Variants in ADGRB3 observed in about 807,000 individuals in gnomAD.
ADGRB3 encodes the protein adhesion G protein-coupled receptor B3.
In ADGRB3, 37 loss-of-function variants were observed where a neutral mutation model predicts 193.4. That is an observed-to-expected ratio of 0.19 (90% CI 0.15 to 0.25). The LOEUF is 0.25. Ranked by LOEUF, ADGRB3 falls within the 10% of genes least tolerant of loss-of-function variation. The pLI is 1.00. For synonymous variants in ADGRB3, 690 were observed against 644.2 expected, an observed-to-expected ratio of 1.07 and a Z score of -1.08; for missense variants, 1,637 against 1,852.9, an observed-to-expected ratio of 0.88 and a Z score of 2.14.
intron 3 of ADGRB3, among the ~76,000 whole-genome samples, chr6:68,800,271 T>C (rs1340258939): frequency 1.3e-5 from 2 of 152,142 alleles, no homozygotes; most frequent in Non-Finnish European, 2.9e-5. Flanking sequence ...AATTGAAGTA[T>C]GGGAAGAGCA....
chr6:68,669,876 C>T (rs1009577091), intron 3 of ADGRB3, among the ~76,000 whole-genome samples: 5 of 151,984 alleles, frequency 3.3e-5, no homozygotes, highest in African/African-American at 1.2e-4. Context: ...TACAAACTTA[C>T]ATTCCCACCC....
chr6:68,826,525 A>G (rs1284832753), intron 3 of ADGRB3, among the ~76,000 whole-genome samples: 3 of 152,208 alleles, frequency 2.0e-5, no homozygotes, highest in Non-Finnish European at 4.4e-5. Flanking sequence ...TTTTACTCCA[A>G]GTGGAACTGG....
chr6:69,054,957 A>C (rs1446260228), intron 15 of ADGRB3, among the ~76,000 whole-genome samples: 6 of 152,198 alleles, frequency 3.9e-5, no homozygotes, highest in Non-Finnish European at 8.8e-5. Context: ...TAAAACATTT[A>C]TGAAAGTTTC....
chr6:69,260,172 T>G (rs542995823), intron 20 of ADGRB3, among the ~76,000 whole-genome samples: 1 of 152,340 alleles, frequency 6.6e-6, no homozygotes, highest in African/African-American at 2.4e-5. Flanking sequence ...GTCAATTTTC[T>G]ATTAAAAATT....
At chr6:69,372,622 T>G (rs1293625300) in intron 30 of ADGRB3, among the ~76,000 whole-genome samples, 181 bp downstream of exon 30, 3 of 152,086 alleles carry the variant, frequency 2.0e-5, no homozygotes, top group Non-Finnish European at 2.9e-5. Flanking sequence ...AAATTTTGAA[T>G]TACTTCAAGT....
intron 3 of ADGRB3, among the ~76,000 whole-genome samples, chr6:68,666,119 GA>G (rs1055714733): frequency 2.0e-5 from 3 of 151,818 alleles, no homozygotes; most frequent in African/African-American, 7.3e-5. Flanking sequence ...ATATCTCATA[GA>G]CAAGATCTCG....
chr6:68,705,258 A>T (rs2127311921), intron 3 of ADGRB3, among the ~76,000 whole-genome samples: 1 of 152,314 alleles, frequency 6.6e-6, no homozygotes, highest in South Asian at 2.1e-4. Context: ...CTCCACTAGA[A>T]TTTAAGCTCA....
chr6:69,152,614 C>T (rs1774710854), intron 17 of ADGRB3, among the ~76,000 whole-genome samples: 1 of 152,132 alleles, frequency 6.6e-6, no homozygotes. Context: ...GTGTTGGCTA[C>T]ACAATTTTTA....
At chr6:69,382,446 T>G (rs1177655277) in intron 30 of ADGRB3, among the ~76,000 whole-genome samples, 2 of 151,984 alleles carry the variant, frequency 1.3e-5, no homozygotes, top group Non-Finnish European at 2.9e-5. Flanking sequence ...ATATTTCCCA[T>G]GACAAACATC....
At chr6:69,219,970 GAC>G (rs1381853993) in intron 17 of ADGRB3, among the ~76,000 whole-genome samples, 18 of 152,022 alleles carry the variant, frequency 1.2e-4, no homozygotes, top group African/African-American at 4.3e-4. Flanking sequence ...TATTAATTAT[GAC>G]AGAGAAGGCT....
chr6:69,328,032 A>G (rs1193694079), intron 22 of ADGRB3, 143 bp downstream of exon 22: 6 of 564,102 alleles, frequency 1.1e-5, no homozygotes, highest in Non-Finnish European at 1.7e-5. Context: ...AAAACAAGGT[A>G]GCTTAAATCT....
intron 17 of ADGRB3, among the ~76,000 whole-genome samples, chr6:69,200,333 A>G (rs373771839): frequency 6.0e-4 from 91 of 152,262 alleles, no homozygotes; most frequent in African/African-American, 2.1e-3. Flanking sequence ...TTTGGCAAGC[A>G]TATAGCACAG....
intron 6 of ADGRB3, among the ~76,000 whole-genome samples, chr6:68,954,020 A>G (rs1282382744): frequency 6.6e-6 from 1 of 152,188 alleles, no homozygotes; most frequent in Non-Finnish European, 1.5e-5. Context: ...TCTAATCTAG[A>G]AAGTATTTTT....
intron 3 of ADGRB3, among the ~76,000 whole-genome samples, chr6:68,817,302 TC>T (rs1485942224): frequency 0.2 from 17,241 of 86,608 alleles, 3,360 homozygotes; most frequent in Middle Eastern, 0.34. Context: ...TTCCCTTTTG[TC>T]CATGTATATA....
intron 6 of ADGRB3, among the ~76,000 whole-genome samples, chr6:68,944,316 A>T (rs112157344): frequency 0.012 from 1,882 of 152,216 alleles, 40 homozygotes; most frequent in African/African-American, 0.04. Context: ...CTTGAGATTA[A>T]TTATTGCCTT....
chr6:69,217,422 A>G (rs1285492276), intron 17 of ADGRB3, among the ~76,000 whole-genome samples: 1 of 152,248 alleles, frequency 6.6e-6, no homozygotes, highest in Non-Finnish European at 1.5e-5. Flanking sequence ...GATAGGCAAC[A>G]TAGAATAAAA....
intron 3 of ADGRB3, among the ~76,000 whole-genome samples, chr6:68,660,628 A>G (rs971702942): frequency 1.3e-5 from 2 of 151,126 alleles, no homozygotes; most frequent in Non-Finnish European, 3.0e-5. Flanking sequence ...TAGAATGACA[A>G]TAAAGATAAG....
chr6:68,706,315 A>G (rs1554180147), intron 3 of ADGRB3, among the ~76,000 whole-genome samples: 1 of 152,164 alleles, frequency 6.6e-6, no homozygotes, highest in Non-Finnish European at 1.5e-5. Flanking sequence ...GGGGAAGACT[A>G]GGGACTGAAA....
At chr6:68,641,389 A>T (rs1417521551) in intron 3 of ADGRB3, among the ~76,000 whole-genome samples, 2 of 152,162 alleles carry the variant, frequency 1.3e-5, no homozygotes, top group Non-Finnish European at 2.9e-5. Flanking sequence ...AGTGAAGACA[A>T]ATAAGAGTGA....
Sources: gnomAD v4.1 joint callset for allele counts (sites outside exome capture counted in the v4.1 genomes callset) on GRCh38, gnomAD v4.1.1 for gene constraint, MANE v1.5 for transcripts, NCBI Gene and HGNC (gene_info 2026-07-23, HGNC 2026-07-21) for gene names.